ADGB: variants seen among roughly 807,000 people sequenced by gnomAD.
The protein encoded by ADGB is androglobin.
Under a neutral mutation model 210.5 loss-of-function variants are expected in ADGB, and 172 were observed. The observed-to-expected ratio is 0.82, with a 90% CI of 0.72 to 0.93. The LOEUF is 0.93. Ranked by LOEUF, ADGB falls within the 40% of genes least tolerant of loss-of-function variation. The pLI, the probability that ADGB is intolerant of heterozygous loss-of-function variation, is 0.00. For missense variants in ADGB, 2,025 were observed against 1,964.8 expected (o/e 1.03, Z -0.58); for synonymous variants, 658 against 662.7 (o/e 0.99, Z 0.11).
chr6:146,785,782 T>C, intron 32 of ADGB, 70 bp downstream of exon 32: 1 of 1,130,384 alleles, frequency 8.8e-7, no homozygotes, highest in Non-Finnish European at 1.3e-6. Context: ...AAAAAAATAA[T>C]CAGTGGGTTG....
intron 35 of ADGB, among the ~76,000 whole-genome samples, chr6:146,808,920 G>A (rs1397418629): frequency 1.3e-5 from 2 of 152,036 alleles, no homozygotes; most frequent in Non-Finnish European, 2.9e-5. Flanking sequence ...CAGTTTGAGA[G>A]AGAAAGCTGG....
rs139608399 is a variant in ADGB at position 146,683,957 on chromosome 6, C to T, written c.1217-1777C>T. ...TAATGTGGACCAAAATACTTTTACA[C>T]GTTATGATTTTTAAAACAAGATTTA... is the stretch of plus-strand genomic sequence containing the variant. On this transcript the variant is annotated intron_variant, in intron 9 of 35. Transcript: ENST00000397944. Among the ~76,000 whole-genome samples, 276 of 152,086 alleles carry T rather than the reference C, an allele frequency of 1.8e-3. 4 individuals carry two copies. The East Asian group carries it at 0.027, about 15-fold the overall frequency.
chr6:146,616,604 C>CA (rs1780803095), intron 1 of ADGB, among the ~76,000 whole-genome samples: 1 of 152,090 alleles, frequency 6.6e-6, no homozygotes, highest in Non-Finnish European at 1.5e-5. Context: ...TTGATCTTTG[C>CA]ATATGGTGAA....
chr6:146,660,613 G>A (rs1407312949), intron 5 of ADGB, among the ~76,000 whole-genome samples: 1 of 152,058 alleles, frequency 6.6e-6, no homozygotes, highest in Non-Finnish European at 1.5e-5. Flanking sequence ...TGTGAGATAT[G>A]TAAATATAAT....
intron 35 of ADGB, among the ~76,000 whole-genome samples, chr6:146,812,294 A>G (rs1778314292): frequency 6.6e-6 from 1 of 152,248 alleles, no homozygotes; most frequent in African/African-American, 2.4e-5. Context: ...ACGACCCACA[A>G]TGAGAGACTG....
At chr6:146,734,832 C>T (rs1487356294) in intron 22 of ADGB, among the ~76,000 whole-genome samples, 1 of 152,062 alleles carries the variant, frequency 6.6e-6, no homozygotes, top group Non-Finnish European at 1.5e-5. Flanking sequence ...ATTACTTGAA[C>T]CCAGGAGGTG....
intron 35 of ADGB, among the ~76,000 whole-genome samples, chr6:146,813,633 A>C (rs1282905762): frequency 1.5e-5 from 1 of 67,564 alleles, no homozygotes; most frequent in African/African-American, 4.7e-5. Context: ...CTGTTTCGCA[A>C]AAGTTTGTTT....
At position 146,647,154 on chromosome 6, in the gene ADGB, C is replaced by G. The variant is rs181598102; in HGVS notation, c.330+2289C>G. ...AACAAAAACACAAAAAACAAACAAA[C>G]AAAAAAAACCAGATTCCTGGGTCTG... On this transcript the variant is annotated intron_variant, in intron 3 of 35. Transcript: ENST00000397944. 2.1e-5 allele frequency among the ~76,000 whole-genome samples: 3 copies of G among 140,954 alleles called. No individual in the cohort carries two copies. In the East Asian group the frequency reaches 6.1e-4, roughly 29 times the overall value. 92.5% of individuals were successfully genotyped at this position (140,954 alleles called of 152,430 possible).
chr6:146,657,663 T>C (rs1345368816), intron 5 of ADGB, among the ~76,000 whole-genome samples: 2 of 152,150 alleles, frequency 1.3e-5, no homozygotes, highest in Admixed American at 6.5e-5. Context: ...CACCTTCCTC[T>C]TTCTTCTCTG....
chr6:146,788,217 G>A (rs1777905429), intron 32 of ADGB, among the ~76,000 whole-genome samples, 172 bp from the exon 33 acceptor site: 1 of 152,002 alleles, frequency 6.6e-6, no homozygotes, highest in Non-Finnish European at 1.5e-5. Context: ...TTCCTGCCTG[G>A]GTCAGCCTTC....
chr6:146,648,626 G>C (rs1252944418), intron 3 of ADGB, among the ~76,000 whole-genome samples: 5 of 151,984 alleles, frequency 3.3e-5, no homozygotes, highest in Non-Finnish European at 5.9e-5. Flanking sequence ...GAACAGCAAG[G>C]AAGAAATCTG....
At chr6:146,790,389 T>C (rs566442618) in intron 33 of ADGB, among the ~76,000 whole-genome samples, 315 of 152,196 alleles carry the variant, frequency 2.1e-3, no homozygotes, top group African/African-American at 7.3e-3. Flanking sequence ...TCCTAATATC[T>C]ATATCTACAA....
chr6:146,678,651 T>C (rs1367936981), intron 9 of ADGB, among the ~76,000 whole-genome samples: 1 of 152,092 alleles, frequency 6.6e-6, no homozygotes, highest in Non-Finnish European at 1.5e-5. Flanking sequence ...ATGACAACGG[T>C]CATTACAATA....
intron 29 of ADGB, among the ~76,000 whole-genome samples, chr6:146,775,320 T>G (rs1389923355): frequency 6.6e-6 from 1 of 152,122 alleles, no homozygotes; most frequent in African/African-American, 2.4e-5. Context: ...CTTGAAATAA[T>G]GGCTATGTAC....
At chr6:146,774,016 A>G (rs1437425696) in intron 29 of ADGB, among the ~76,000 whole-genome samples, 1 of 152,186 alleles carries the variant, frequency 6.6e-6, no homozygotes, top group Non-Finnish European at 1.5e-5. Flanking sequence ...TGAGAATCTA[A>G]TGGAAATTAA....
intron 25 of ADGB, 96 bp downstream of exon 25, chr6:146,741,367 T>A: frequency 1.7e-6 from 2 of 1,143,904 alleles, no homozygotes; most frequent in Non-Finnish European, 2.5e-6. Flanking sequence ...TTGTTTTTAA[T>A]CTACTTAACA....
intron 20 of ADGB, 88 bp downstream of exon 20, chr6:146,728,829 G>C (rs1473287103): frequency 9.0e-7 from 1 of 1,108,530 alleles, no homozygotes; most frequent in Non-Finnish European, 1.2e-6. Flanking sequence ...CCAAATCAGA[G>C]CCAGAGAAAA....
rs776524268 is a variant in ADGB, at chr6:146,788,537, G to A, written c.4464G>A (p.Thr1488=). 84 of 1,551,496 alleles carry A rather than the reference G, an allele frequency of 5.4e-5. No individual in the cohort carries two copies. Among genetic ancestry groups the A allele is most frequent in the Non-Finnish European group, 6.8e-5 (78 of 1,146,904 alleles). The change falls in exon 33 of 36, where the codon ACG becomes ACA. Residue 1488 remains threonine (T), a synonymous_variant. Transcript: ENST00000397944. ...GCTTGAGGGATGTGGCAAAATCCAC[G>A]AGTAGCGAAAGTGGAGGAGTGTCTT... ...TKGLRDVAKS[T]SSESGGVSSP...
In ADGB at chr6:146,644,789, C is replaced by A; in HGVS notation, c.254C>A (p.Pro85His). ...TTTATATAGCATTTTTTTGAGGACC[C>A]TGAAGGAAAGATTGAGTTACCACCA... ...KSPVFHFFED[P>H]EGKIELPPSL... Residue 85 changes from proline to histidine, a missense_variant, in exon 3 of 36, where the codon CCT (proline) becomes CAT (histidine). Transcript: ENST00000397944. 1.4e-6 allele frequency: 2 copies of A among 1,476,098 alleles called. No individual in the cohort carries two copies. The highest frequency in any genetic ancestry group is 1.4e-5 in the African/African-American group (1 of 70,220). The allele number at this position is 1,476,098 out of a possible 1,614,324, so 91.4% of individuals were successfully genotyped here.
Sources: gnomAD v4.1 joint callset for allele counts (sites outside exome capture counted in the v4.1 genomes callset) on GRCh38, gnomAD v4.1.1 for gene constraint, MANE v1.5 for transcripts, NCBI Gene and HGNC (gene_info 2026-07-23, HGNC 2026-07-21) for gene names.